Variants in PLEKHH1 observed in about 807,000 individuals in gnomAD.
PLEKHH1 encodes the protein pleckstrin homology domain-containing family H member 1.
A neutral mutation model predicts 160.0 loss-of-function variants in PLEKHH1; 104 were observed. The observed-to-expected ratio is 0.65, with a 90% confidence interval of 0.55 to 0.76. The LOEUF (loss-of-function observed/expected upper bound fraction) is 0.76. PLEKHH1 is among the 30% of genes least tolerant of loss of function. The pLI, the probability that PLEKHH1 is intolerant of heterozygous loss-of-function variation, is 0.00. For missense variants in PLEKHH1, 1,427 were observed against 1,724.1 expected (o/e 0.83, Z 3.05); for synonymous variants, 619 against 678.4 (o/e 0.91, Z 1.36).
In PLEKHH1 at chr14:67,573,749, TC is replaced by T; in HGVS notation, c.1840-50del. 8.6e-7 allele frequency: 1 copy of T among 1,164,220 alleles called. No individual in the cohort carries two copies. Among genetic ancestry groups the T allele is most frequent in the Non-Finnish European group, 1.3e-6 (1 of 768,822 alleles). 72.1% of individuals were successfully genotyped at this position (1,164,220 alleles called of 1,614,324 possible). On this transcript the variant is annotated intron_variant, in intron 12 of 28. Transcript: ENST00000329153. The surrounding 1 kb of genome is among the most constrained non-coding windows in gnomAD (Gnocchi z 4.8). The stretch of plus-strand genomic sequence containing the variant: ...GAAGATCTGAGGGTAAATGAGGTGC[TC>T]CGGAAAGGCTCCACATTCAGTGGCT...
At chr14:67,575,511 T>TC (rs1213723304) in intron 15 of PLEKHH1, 39 bp downstream of exon 15, 2 of 1,301,004 alleles carry the variant, frequency 1.5e-6, no homozygotes, top group African/African-American at 1.5e-5. Flanking sequence ...CTCTCCTGCT[T>TC]CCCCCGAAGC....
chr14:67,549,287 T>A (rs76043361), intron 2 of PLEKHH1, among the ~76,000 whole-genome samples: 1 of 151,898 alleles, frequency 6.6e-6, no homozygotes, highest in Non-Finnish European at 1.5e-5. Context: ...TTTTTTTTTT[T>A]TGAGACAGAG....
intron 3 of PLEKHH1, among the ~76,000 whole-genome samples, chr14:67,557,016 T>G (rs2034621178): frequency 6.6e-6 from 1 of 152,254 alleles, no homozygotes. Context: ...TATCGTCTCC[T>G]CTGCCCTCCT....
intron 1 of PLEKHH1, among the ~76,000 whole-genome samples, chr14:67,539,148 A>G (rs533832060): frequency 6.6e-6 from 1 of 152,304 alleles, no homozygotes; most frequent in African/African-American, 2.4e-5. Context: ...CTATTTATAC[A>G]AGGAAAAGCA....
intron 2 of PLEKHH1, among the ~76,000 whole-genome samples, chr14:67,544,394 T>G (rs1426486636): frequency 5.3e-5 from 8 of 152,056 alleles, no homozygotes; most frequent in Non-Finnish European, 1.2e-4. Flanking sequence ...AAAACCTCTC[T>G]GGAGACACAA....
Position 67,541,944 on chromosome 14 carries a change from T to A in PLEKHH1, c.77T>A (p.Phe26Tyr). The change falls in exon 2 of 29, where the codon TTC becomes TAC. Residue 26 changes from phenylalanine to tyrosine, a missense_variant. By Grantham distance (22) the Phe-to-Tyr change is conservative. This residue lies in a region of PLEKHH1 where 831 missense variants were observed against 929.2 expected (regional missense o/e 0.89). Coordinates refer to ENST00000329153, the MANE Select transcript of PLEKHH1 (RefSeq NM_020715.3). Reference protein sequence around the residue: ...KRCLTLETQLFRFRLQASKIR... With the variant: ...KRCLTLETQLYRFRLQASKIR... ...TGCCTGACCCTGGAAACTCAGCTTT[T>A]CCGGTTCCGCCTACAGGCCAGCAAG... The A allele has an allele frequency of 6.2e-7, 1 of 1,607,790 alleles. No homozygotes were observed. Among genetic ancestry groups the A allele is most frequent in the Non-Finnish European group, 8.5e-7 (1 of 1,177,318 alleles).
At position 67,555,878 on chromosome 14, in the gene PLEKHH1, T is replaced by G. The variant is rs779233466; in HGVS notation, c.180T>G (p.Ala60=). 2.5e-6 allele frequency: 4 copies of G among 1,613,518 alleles called. No homozygotes were observed. Among genetic ancestry groups the G allele is most frequent in the Non-Finnish European group, 8.5e-7 (1 of 1,179,688 alleles). ...LLEAEQRAEN[A]ETQVGVMEEK... ...AGGCAGAGCAGAGAGCAGAGAACGCTGAGACCCAGGTAACCAGGGGAGGGG... is the reference window on the plus strand; with the variant it reads ...AGGCAGAGCAGAGAGCAGAGAACGCGGAGACCCAGGTAACCAGGGGAGGGG... The change falls in exon 3 of 29, where the codon GCT becomes GCG. Residue 60 remains alanine, a synonymous_variant. Coordinates refer to ENST00000329153, the MANE Select transcript of PLEKHH1 (RefSeq NM_020715.3).
chr14:67,571,945 C>T, intron 10 of PLEKHH1, 43 bp downstream of exon 10: 2 of 1,563,194 alleles, frequency 1.3e-6, no homozygotes, highest in South Asian at 1.2e-5. Context: ...CAGCAAGGAG[C>T]CCCTCACCTC....
intron 2 of PLEKHH1, among the ~76,000 whole-genome samples, chr14:67,550,158 T>TTAAAAA (rs570006585): frequency 6.9e-6 from 1 of 145,206 alleles, no homozygotes; most frequent in Non-Finnish European, 1.5e-5. Context: ...GATCTGTTGC[T>TTAAAAA]AAAAAAAAAA....
chr14:67,535,187 T>G (rs1050383680), intron 1 of PLEKHH1, among the ~76,000 whole-genome samples: 3 of 152,160 alleles, frequency 2.0e-5, no homozygotes, highest in African/African-American at 7.2e-5. Context: ...TGAATATCTC[T>G]GAGAGAACAC....
At chr14:67,538,522 G>A (rs1209004541) in intron 1 of PLEKHH1, among the ~76,000 whole-genome samples, 1 of 152,222 alleles carries the variant, frequency 6.6e-6, no homozygotes, top group Non-Finnish European at 1.5e-5. Flanking sequence ...GGAGGTATAA[G>A]TGCAAGGTGA....
At chr14:67,544,841 C>T (rs764923837) in intron 2 of PLEKHH1, among the ~76,000 whole-genome samples, 9 of 152,170 alleles carry the variant, frequency 5.9e-5, no homozygotes, top group South Asian at 4.1e-4. Flanking sequence ...TACAGAAATA[C>T]AAATACAGCA....
chr14:67,568,398 G>C (rs1245340957), intron 7 of PLEKHH1, among the ~76,000 whole-genome samples: 1 of 152,086 alleles, frequency 6.6e-6, no homozygotes, highest in African/African-American at 2.4e-5. Context: ...TGGACAATGA[G>C]AACACATGGA....
Position 67,541,977 on chromosome 14 carries a change from A to G in PLEKHH1, c.110A>G (p.Glu37Gly). 1 of 1,606,084 alleles carries G rather than the reference A, an allele frequency of 6.2e-7. No homozygotes were observed. Among genetic ancestry groups the G allele is most frequent in the Non-Finnish European group, 8.5e-7 (1 of 1,176,614 alleles). ...RFRLQASKIRELLADKMQELE... is the reference protein window; with the variant it reads ...RFRLQASKIRGLLADKMQELE... Reference sequence around the variant, plus strand: ...CGCCTACAGGCCAGCAAGATAAGGGAGCTGCTGGCTGACAAGGTGAGTCCC... The same window carrying G: ...CGCCTACAGGCCAGCAAGATAAGGGGGCTGCTGGCTGACAAGGTGAGTCCC... The change falls in exon 2 of 29, where the codon GAG becomes GGG. Residue 37 changes from glutamate to glycine, a missense_variant. Glu to Gly is a moderately conservative substitution (Grantham distance 98). Around this residue, in one of 6 missense-constraint regions of PLEKHH1, gnomAD observed 831 missense variants for 929.2 expected, o/e 0.89. Transcript: ENST00000329153.
chr14:67,559,770 A>G, intron 5 of PLEKHH1, 79 bp downstream of exon 5: 2 of 908,056 alleles, frequency 2.2e-6, no homozygotes, highest in Non-Finnish European at 3.6e-6. Context: ...CCTGCCCCCT[A>G]CTGTCTAGGG....
chr14:67,576,513 G>C lies in PLEKHH1; in HGVS notation c.2461+10G>C. The C allele has an allele frequency of 2.9e-6, 4 of 1,393,568 alleles. No individual in the cohort carries two copies. Among genetic ancestry groups the C allele is most frequent in the Non-Finnish European group, 4.1e-6 (4 of 979,398 alleles). 86.3% of individuals were successfully genotyped at this position (1,393,568 alleles called of 1,614,324 possible). On this transcript the variant is annotated intron_variant, in intron 17 of 28. Transcript: ENST00000329153. This position sits in a 1 kb window ranked among gnomAD's most constrained non-coding sequence, Gnocchi z 4.0. ...GGTGAAGGAGATCCAGGTAAGGCAAGGGTGGCCACCACTGCTTGGGTTGGA... is the reference window on the plus strand; with the variant it reads ...GGTGAAGGAGATCCAGGTAAGGCAACGGTGGCCACCACTGCTTGGGTTGGA...
rs570782739 is a variant in PLEKHH1 at position 67,588,164 on chromosome 14, C to T, written c.*929C>T. 1 of 152,640 alleles carries T rather than the reference C, an allele frequency of 6.6e-6. No individual in the cohort carries two copies. Among genetic ancestry groups the T allele is most frequent in the East Asian group, 1.9e-4 (1 of 5,200 alleles). 9.5% of individuals were successfully genotyped at this position (152,640 alleles called of 1,614,324 possible). On this transcript the variant is annotated 3_prime_UTR_variant, in exon 29 of 29. Transcript: ENST00000329153. Reference sequence around the variant, plus strand: ...ACTGGACTTTAGGCCAAACCCAGTACCACGCAATGTGCAAGCAAGGGCAGG... The same window carrying T: ...ACTGGACTTTAGGCCAAACCCAGTATCACGCAATGTGCAAGCAAGGGCAGG...
At position 67,569,120 on chromosome 14, in the gene PLEKHH1, T is replaced by G. The variant is rs2035247500; in HGVS notation, c.1264-18T>G. 2 of 1,589,452 alleles carry G rather than the reference T, an allele frequency of 1.3e-6. No homozygotes were observed. Among genetic ancestry groups the G allele is most frequent in the Non-Finnish European group, 1.7e-6 (2 of 1,159,576 alleles). On this transcript the variant is annotated intron_variant, in intron 7 of 28. Coordinates refer to ENST00000329153, the MANE Select transcript of PLEKHH1 (RefSeq NM_020715.3). ...GCATCATGCCGGGCCCTGAGCTTCC[T>G]GAGACCTCTTGTTTCAGGAGAGCCG...
In PLEKHH1 at chr14:67,576,092, T is replaced by C; in HGVS notation, c.2352+87T>C. ...TCTCTTTCTCCTGAGCTTCCCAAAA[T>C]TCAAATTTATTTCCTTTTGGACACT... On this transcript the variant is annotated intron_variant, in intron 16 of 28. Coordinates refer to ENST00000329153, the MANE Select transcript of PLEKHH1 (RefSeq NM_020715.3). This position sits in a 1 kb window ranked among gnomAD's most constrained non-coding sequence, Gnocchi z 4.0. 2 of 1,064,154 alleles carry C rather than the reference T, an allele frequency of 1.9e-6. No individual in the cohort carries two copies. The highest frequency in any genetic ancestry group is 3.2e-5 in the South Asian group (2 of 63,336). The allele number at this position is 1,064,154 out of a possible 1,614,324, so 65.9% of individuals were successfully genotyped here. A position where few individuals can be genotyped will look rare whatever the true frequency, so the allele number is the denominator to read the frequency against.
Sources: gnomAD v4.1 joint callset for allele counts (sites outside exome capture counted in the v4.1 genomes callset) on GRCh38, gnomAD v4.1.1 for gene constraint, gnomAD v4.1.1 regional missense constraint, Gnocchi (gnomAD v3.1) non-coding constraint, MANE v1.5 for transcripts, NCBI Gene and HGNC (gene_info 2026-07-23, HGNC 2026-07-21) for gene names.